The following KLF13 variants were observed in gnomAD, a reference collection of about 807,000 sequenced individuals.
The protein encoded by KLF13 is KLF transcription factor 13.
Under a neutral mutation model 16.7 loss-of-function variants are expected in KLF13, and 8 were observed. The observed-to-expected ratio is 0.48, with a 90% CI of 0.28 to 0.87. The LOEUF (loss-of-function observed/expected upper bound fraction) is 0.87. Ranked by LOEUF, KLF13 falls within the 40% of genes least tolerant of loss-of-function variation. The probability of loss-of-function intolerance (pLI) is 0.10; values close to 1 mark genes in which losing one functional copy is unlikely to be tolerated. For synonymous variants in KLF13, 245 were observed against 208.4 expected (o/e 1.18, Z -1.51); for missense variants, 447 against 452.2 (o/e 0.99, Z 0.10).
chr15:31,350,754 C>G (rs748643115), intron 1 of KLF13, among the ~76,000 whole-genome samples: 5 of 152,246 alleles, frequency 3.3e-5, no homozygotes, highest in South Asian at 2.1e-4. Flanking sequence ...GGGTACAGCC[C>G]TTGAGAAGGG....
Position 31,372,233 on chromosome 15 carries a change from C to G in KLF13, c.801C>G (p.Gly267=). 1 of 1,591,442 alleles carries G rather than the reference C, an allele frequency of 6.3e-7. No individual in the cohort carries two copies. The highest frequency in any genetic ancestry group is 8.5e-7 in the Non-Finnish European group (1 of 1,172,976). ...GGCGCGGCGGGGGCTCGCGGACCGG[C>G]TCCCTCAGCGACTACAGCCGCTCCG... ...LQRRGGGSRT[G]SLSDYSRSDA... is the part of the protein sequence containing the mutation. The change falls in exon 2 of 2, where the codon GGC becomes GGG. Residue 267 remains glycine (G), a synonymous_variant. Transcript: ENST00000307145.
chr15:31,355,597 T>C (rs1490990259), intron 1 of KLF13, among the ~76,000 whole-genome samples: 2 of 151,680 alleles, frequency 1.3e-5, no homozygotes, highest in Non-Finnish European at 2.9e-5. Flanking sequence ...GGTAGAAGAG[T>C]GTTAGGCATT....
chr15:31,416,124 C>T (rs1221852036), intron 1 of KLF13, among the ~76,000 whole-genome samples: 3 of 152,036 alleles, frequency 2.0e-5, no homozygotes, highest in African/African-American at 7.2e-5. Flanking sequence ...AAACTGATTA[C>T]ACAAGAAATA....
intron 1 of KLF13, among the ~76,000 whole-genome samples, chr15:31,417,966 A>G (rs1236819835): frequency 6.6e-6 from 1 of 152,152 alleles, no homozygotes; most frequent in Non-Finnish European, 1.5e-5. Context: ...TTTTTAAATG[A>G]CAAAGTGCAC....
intron 1 of KLF13, among the ~76,000 whole-genome samples, chr15:31,352,201 G>A (rs575142854): frequency 6.6e-6 from 1 of 152,200 alleles, no homozygotes; most frequent in Non-Finnish European, 1.5e-5. Flanking sequence ...GGCCTCCCCT[G>A]GACACTGAGA....
intron 2 of KLF13, among the ~76,000 whole-genome samples, chr15:31,395,290 A>G (rs1342932060): frequency 1.3e-5 from 2 of 152,118 alleles, no homozygotes; most frequent in African/African-American, 4.8e-5. Flanking sequence ...CCTACTCACT[A>G]TTATGGCTTG....
intron 1 of KLF13, among the ~76,000 whole-genome samples, chr15:31,410,195 A>T (rs1566842279): frequency 6.6e-6 from 1 of 152,268 alleles, no homozygotes; most frequent in East Asian, 1.9e-4. Context: ...ATTAATAAAA[A>T]TATGTATATT....
intron 1 of KLF13, among the ~76,000 whole-genome samples, chr15:31,421,293 G>A (rs2040319330): frequency 6.6e-6 from 1 of 151,984 alleles, no homozygotes; most frequent in Non-Finnish European, 1.5e-5. Context: ...GAAACAAAAG[G>A]ACACTTGACA....
intron 1 of KLF13, among the ~76,000 whole-genome samples, chr15:31,383,730 T>G (rs532771061): frequency 6.6e-6 from 1 of 151,674 alleles, no homozygotes; most frequent in African/African-American, 2.4e-5. Context: ...GAAACCCCGT[T>G]TCTACTAAAA....
At chr15:31,359,059 A>C (rs545427155) in intron 1 of KLF13, among the ~76,000 whole-genome samples, 17 of 152,336 alleles carry the variant, frequency 1.1e-4, no homozygotes, top group Non-Finnish European at 1.9e-4. Context: ...CTTTGGGTTC[A>C]GCTCTCATGA....
intron 1 of KLF13, among the ~76,000 whole-genome samples, chr15:31,411,389 ATTTTTTTTTTCTTT>A (rs2040191287): frequency 7.0e-6 from 1 of 141,914 alleles, no homozygotes; most frequent in Non-Finnish European, 1.5e-5. Context: ...ATACCAACAC[ATTTTTTTTTTCTTT>A]TTTTTTTTTT....
intron 1 of KLF13, among the ~76,000 whole-genome samples, chr15:31,337,981 T>G (rs1372333707): frequency 1.3e-5 from 2 of 152,172 alleles, no homozygotes; most frequent in African/African-American, 4.8e-5. Context: ...CTGTCACAGG[T>G]GTAGAGCTGC....
At chr15:31,423,152 T>TAC (rs1182254561) in intron 1 of KLF13, among the ~76,000 whole-genome samples, 3 of 118,402 alleles carry the variant, frequency 2.5e-5, no homozygotes, top group Non-Finnish European at 4.9e-5. Context: ...TACGTATATA[T>TAC]ACGTATATAT....
At chr15:31,411,897 T>C (rs2040200289) in intron 1 of KLF13, among the ~76,000 whole-genome samples, 1 of 152,164 alleles carries the variant, frequency 6.6e-6, no homozygotes, top group Admixed American at 6.6e-5. Flanking sequence ...TCATATTTGG[T>C]TGTGAAAGAC....
At chr15:31,416,824 T>C (rs2040261483) in intron 1 of KLF13, among the ~76,000 whole-genome samples, 1 of 152,212 alleles carries the variant, frequency 6.6e-6, no homozygotes, top group Non-Finnish European at 1.5e-5. Flanking sequence ...AACTTGTGTG[T>C]TGCATGTTTG....
chr15:31,357,526 C>T (rs965339263), intron 1 of KLF13, among the ~76,000 whole-genome samples: 1 of 152,208 alleles, frequency 6.6e-6, no homozygotes, highest in East Asian at 1.9e-4. Flanking sequence ...GTGTTCTGCT[C>T]CTGCCTGGGG....
intron 1 of KLF13, among the ~76,000 whole-genome samples, chr15:31,353,175 G>A (rs960912977): frequency 1.3e-5 from 2 of 152,218 alleles, no homozygotes; most frequent in Middle Eastern, 3.2e-3. Context: ...TTTTGCTGGG[G>A]CCTGTTAAAG....
intron 1 of KLF13, among the ~76,000 whole-genome samples, chr15:31,350,908 AT>A (rs1457623796): frequency 1.4e-4 from 22 of 152,368 alleles, no homozygotes; most frequent in African/African-American, 4.8e-4. Context: ...AAGGAGCCTA[AT>A]GTTTAATGGC....
intron 1 of KLF13, among the ~76,000 whole-genome samples, chr15:31,383,710 C>T (rs28562771): frequency 1.3e-4 from 20 of 151,854 alleles, no homozygotes; most frequent in African/African-American, 4.6e-4. Context: ...ACCATCCTGG[C>T]TAACACGGTG....
Sources: gnomAD v4.1 joint callset for allele counts (sites outside exome capture counted in the v4.1 genomes callset) on GRCh38, gnomAD v4.1.1 for gene constraint, MANE v1.5 for transcripts, NCBI Gene and HGNC (gene_info 2026-07-23, HGNC 2026-07-21) for gene names.